CATSPERE: variants seen among roughly 807,000 people sequenced by gnomAD.
The protein encoded by CATSPERE is catsper channel auxiliary subunit epsilon.
Under a neutral mutation model 114.1 loss-of-function variants are expected in CATSPERE, and 93 were observed. The observed-to-expected ratio is 0.81, with a 90% CI of 0.69 to 0.97. The LOEUF is 0.97. Among genes scored for constraint, CATSPERE ranks in the 50% least tolerant of loss-of-function variants. The pLI, the probability that CATSPERE is intolerant of heterozygous loss-of-function variation, is 0.00. For missense variants in CATSPERE, 1,058 were observed against 1,131.6 expected, an observed-to-expected ratio of 0.93 and a Z score of 0.93; for synonymous variants, 341 against 384.1, an observed-to-expected ratio of 0.89 and a Z score of 1.31.
At chr1:244,481,016 T>A (rs181217618) in intron 5 of CATSPERE, among the ~76,000 whole-genome samples, 43 of 152,308 alleles carry the variant, frequency 2.8e-4, no homozygotes, top group Non-Finnish European at 5.4e-4. Context: ...GGCTCATGCC[T>A]GTAGTCCCAG....
At chr1:244,598,786 G>A (rs1659969154) in intron 17 of CATSPERE, 1 of 160,052 alleles carries the variant, frequency 6.2e-6, no homozygotes, top group African/African-American at 2.4e-5. Flanking sequence ...GTGTTGGAAT[G>A]CCCGGAGGCC....
At chr1:244,582,404 T>C (rs1666316790) in intron 12 of CATSPERE, among the ~76,000 whole-genome samples, 2 of 17,514 alleles carry the variant, frequency 1.1e-4, no homozygotes, top group Non-Finnish European at 2.0e-4. Context: ...CTTTTTTCTT[T>C]TTCTTTTTTT....
chr1:244,581,191 CT>C (rs1666125224), intron 11 of CATSPERE, among the ~76,000 whole-genome samples: 1 of 151,996 alleles, frequency 6.6e-6, no homozygotes, highest in Non-Finnish European at 1.5e-5. Flanking sequence ...TTTTGTCTTG[CT>C]TTTGTCTTTG....
At chr1:244,496,048 TAACAAA>T (rs1218210785) in intron 6 of CATSPERE, among the ~76,000 whole-genome samples, 1 of 152,028 alleles carries the variant, frequency 6.6e-6, no homozygotes, top group Admixed American at 6.6e-5. Context: ...GTGAAATCAG[TAACAAA>T]AACAAAAACA....
chr1:244,532,026 T>G (rs1679689064), intron 8 of CATSPERE, among the ~76,000 whole-genome samples: 1 of 152,180 alleles, frequency 6.6e-6, no homozygotes, highest in Non-Finnish European at 1.5e-5. Context: ...TCTGTTTAAA[T>G]CTTAGATTTC....
At chr1:244,591,647 A>T (rs1177879490) in intron 14 of CATSPERE, 34 bp from the exon 15 acceptor site, 2 of 1,270,470 alleles carry the variant, frequency 1.6e-6, no homozygotes, top group East Asian at 2.4e-5. Flanking sequence ...TTAAGAAATG[A>T]TATTTCAACT....
upstream of CATSPERE, among the ~76,000 whole-genome samples, chr1:244,460,243 G>T (rs766440692): frequency 6.6e-6 from 1 of 152,184 alleles, no homozygotes; most frequent in Non-Finnish European, 1.5e-5. Flanking sequence ...TTAACCACAA[G>T]ATTTGAAATC....
intron 11 of CATSPERE, among the ~76,000 whole-genome samples, chr1:244,580,780 C>T (rs1479555966): frequency 4.6e-5 from 7 of 152,006 alleles, no homozygotes; most frequent in African/African-American, 7.2e-5. Context: ...GCAGGTGGAT[C>T]GCCTGAGGTC....
chr1:244,498,157 C>T (rs1673414969), intron 6 of CATSPERE, among the ~76,000 whole-genome samples: 1 of 152,082 alleles, frequency 6.6e-6, no homozygotes, highest in African/African-American at 2.4e-5. Context: ...ATTGTAGTTC[C>T]TCCATAATTT....
chr1:244,552,411 C>A lies in CATSPERE; in HGVS notation c.626C>A (p.Ala209Glu). The A allele has an allele frequency of 6.2e-7, 1 of 1,614,102 alleles. No homozygotes were observed. The highest frequency in any genetic ancestry group is 8.5e-7 in the Non-Finnish European group (1 of 1,180,016). ...GTTACTTTTCAGGATTGCTTTATTG[C>A]AGATTTTCTTATTCTGTTGACTTTT... ...NQVTFQDCFI[A>E]DFLILLTFPL... The change falls in exon 9 of 22, where the codon GCA becomes GAA. Residue 209 changes from alanine to glutamate, a missense_variant. Around this residue, in one of 2 missense-constraint regions of CATSPERE, gnomAD observed 787 missense variants for 905.6 expected, o/e 0.87. Coordinates refer to ENST00000366534, the MANE Select transcript of CATSPERE (RefSeq NM_001130957.2).
intron 8 of CATSPERE, among the ~76,000 whole-genome samples, chr1:244,535,208 G>A (rs1328645824): frequency 6.6e-6 from 1 of 152,186 alleles, no homozygotes; most frequent in Non-Finnish European, 1.5e-5. Flanking sequence ...CACTGGGTCA[G>A]ACCTGAATCT....
At chr1:244,529,918 C>G (rs1679321224) in intron 8 of CATSPERE, among the ~76,000 whole-genome samples, 1 of 152,002 alleles carries the variant, frequency 6.6e-6, no homozygotes, top group African/African-American at 2.4e-5. Flanking sequence ...TAGTTTCATT[C>G]TTCTGCATAC....
intron 8 of CATSPERE, among the ~76,000 whole-genome samples, chr1:244,524,883 T>C (rs1572558920): frequency 1.4e-5 from 2 of 146,974 alleles, no homozygotes; most frequent in East Asian, 3.9e-4. Flanking sequence ...ACTTTTACAC[T>C]GTTGGTGGGA....
In CATSPERE at chr1:244,573,490, GC is replaced by G. The variant is rs911858448; in HGVS notation, c.1950+719del. Among the ~76,000 whole-genome samples the G allele has an allele frequency of 2.6e-5, 4 of 152,194 alleles. No homozygotes were observed. Among genetic ancestry groups the G allele is most frequent in the Non-Finnish European group, 5.9e-5 (4 of 68,026 alleles). ...AATAGTTTGGGCTGTGAGTAGCCAT[GC>G]AGTTCTGCTGGTTTCATCTGGGTTC... is the stretch of plus-strand genomic sequence containing the variant. On this transcript the variant is annotated intron_variant, in intron 11 of 21. Transcript: ENST00000366534. This position sits in a 1 kb window ranked among gnomAD's most constrained non-coding sequence, Gnocchi z 4.0.
chr1:244,527,308 C>T (rs1009792294), intron 8 of CATSPERE, among the ~76,000 whole-genome samples: 43 of 152,164 alleles, frequency 2.8e-4, no homozygotes, highest in East Asian at 2.1e-3. Context: ...CCCTCAGGGA[C>T]GCATTCTCTT....
chr1:244,501,127 T>G (rs1297513249), intron 7 of CATSPERE, among the ~76,000 whole-genome samples: 1 of 152,224 alleles, frequency 6.6e-6, no homozygotes, highest in Non-Finnish European at 1.5e-5. Flanking sequence ...AGTTCACTCA[T>G]GATTTGGCTC....
chr1:244,514,558 G>A (rs983111004), intron 7 of CATSPERE, among the ~76,000 whole-genome samples: 2 of 152,120 alleles, frequency 1.3e-5, no homozygotes, highest in Non-Finnish European at 2.9e-5. Flanking sequence ...GGCCGGGCGC[G>A]GTGGCTCACG....
chr1:244,559,877 T>A (rs1229171042), intron 9 of CATSPERE, among the ~76,000 whole-genome samples: 1 of 152,236 alleles, frequency 6.6e-6, no homozygotes, highest in African/African-American at 2.4e-5. Context: ...GGATAATTTA[T>A]TTTTATGGTT....
At chr1:244,559,368 C>T (rs115061403) in intron 9 of CATSPERE, among the ~76,000 whole-genome samples, 2,416 of 152,310 alleles carry the variant, frequency 0.016, 34 homozygotes, top group Non-Finnish European at 0.023. Flanking sequence ...TATCTGCCGA[C>T]CTCCTGTTTC....
Sources: allele counts gnomAD v4.1 joint callset (sites outside exome capture counted in the v4.1 genomes callset), GRCh38; gene constraint gnomAD v4.1.1; regional missense constraint gnomAD v4.1.1; non-coding constraint Gnocchi (gnomAD v3.1); transcripts MANE v1.5; gene names NCBI Gene and HGNC (gene_info 2026-07-23, HGNC 2026-07-21).